TDRD1: variants seen among roughly 807,000 people sequenced by gnomAD.
TDRD1 encodes tudor domain containing 1.
A neutral mutation model predicts 140.6 loss-of-function variants in TDRD1; 37 were observed. The observed-to-expected ratio is 0.26, with a 90% CI of 0.20 to 0.35. The LOEUF is 0.35. Among genes scored for constraint, TDRD1 ranks in the 10% least tolerant of loss-of-function variants. The probability of loss-of-function intolerance (pLI) is 1.00; values close to 1 mark genes in which losing one functional copy is unlikely to be tolerated. For synonymous variants in TDRD1, 506 were observed against 475.7 expected (o/e 1.06, Z -0.83); for missense variants, 1,243 against 1,393.0 (o/e 0.89, Z 1.71).
chr10:114,214,551 C>G (rs1261613661), intron 16 of TDRD1, among the ~76,000 whole-genome samples: 1 of 151,946 alleles, frequency 6.6e-6, no homozygotes. Flanking sequence ...AAACAAAAAA[C>G]AAATTTAACT....
rs1346172145 is a variant in TDRD1 at position 114,188,173 on chromosome 10, G to A, written c.325+17G>A. 6 of 1,547,844 alleles carry A rather than the reference G, an allele frequency of 3.9e-6. No individual in the cohort carries two copies. The East Asian group carries it at 1.3e-4, about 35-fold the overall frequency. ...TGCCAGCAGGTGAGTGAAAACCACA[G>A]GCTTCCTACTTCTTCATTCTCATGG... On this transcript the variant is annotated intron_variant, in intron 2 of 25. Transcript: ENST00000251864.
chr10:114,184,265 T>G (rs1308623083), intron 1 of TDRD1, among the ~76,000 whole-genome samples: 1 of 152,224 alleles, frequency 6.6e-6, no homozygotes, highest in African/African-American at 2.4e-5. Context: ...CATGCCTTTT[T>G]GTCATTTATT....
chr10:114,227,468 G>A (rs1376415003), intron 23 of TDRD1, among the ~76,000 whole-genome samples, 169 bp downstream of exon 23: 1 of 152,206 alleles, frequency 6.6e-6, no homozygotes, highest in Admixed American at 6.5e-5. Flanking sequence ...GGGCCGCCTT[G>A]ATGGAGGCAG....
rs1038628956 is a variant in TDRD1, at chr10:114,231,007, C to T, written c.3539-479C>T. 6.6e-5 allele frequency among the ~76,000 whole-genome samples: 10 copies of T among 152,280 alleles called. No homozygotes were observed. In the East Asian group the frequency reaches 1.7e-3, roughly 26 times the overall value. On this transcript the variant is annotated intron_variant, in intron 25 of 25. Coordinates refer to ENST00000251864, the Ensembl canonical transcript of TDRD1. ...GCTTGAACCCAGGAGCCGAAGGTTG[C>T]AGTGAGCCGAGATGGCACCACTGCA...
exon 9 of TDRD1, chr10:114,204,205 T>C: frequency 1.3e-6 from 2 of 1,588,542 alleles, no homozygotes; most frequent in Non-Finnish European, 1.7e-6. Context: ...CATTGACTTG[T>C]TTCCTCCTTG....
At chr10:114,229,067 TGA>T (rs1358426948) in intron 25 of TDRD1, among the ~76,000 whole-genome samples, 2 of 147,790 alleles carry the variant, frequency 1.4e-5, no homozygotes, top group Middle Eastern at 3.4e-3. Context: ...GGTGACAGAG[TGA>T]GAGTTTGTCT....
chr10:114,182,796 T>C (rs2033190632), intron 1 of TDRD1, among the ~76,000 whole-genome samples: 1 of 152,080 alleles, frequency 6.6e-6, no homozygotes, highest in African/African-American at 2.4e-5. Flanking sequence ...GCCATTCTTC[T>C]GCCTCAGCCT....
upstream of TDRD1, among the ~76,000 whole-genome samples, chr10:114,176,769 T>G (rs111669358): frequency 1.8e-3 from 277 of 152,044 alleles, 4 homozygotes; most frequent in African/African-American, 6.3e-3. This position sits in a 1 kb window ranked among gnomAD's most constrained non-coding sequence, Gnocchi z 4.2. Context: ...GCAAGACCCT[T>G]TCAGAAAGAA....
At chr10:114,214,930 G>A (rs1352701911) in intron 16 of TDRD1, among the ~76,000 whole-genome samples, 1 of 151,762 alleles carries the variant, frequency 6.6e-6, no homozygotes, top group Non-Finnish European at 1.5e-5. Context: ...TTTAATAAAG[G>A]TGGGGTTTCA....
chr10:114,228,315 C>G, intron 25 of TDRD1: 1 of 1,365,064 alleles, frequency 7.3e-7, no homozygotes, highest in Non-Finnish European at 9.5e-7. Context: ...TTTTCCTTTG[C>G]TACTGCTAAT....
At chr10:114,213,923 C>G (rs570829610) in intron 15 of TDRD1, 54 bp from the exon 16 acceptor site, 1 of 1,589,928 alleles carries the variant, frequency 6.3e-7, no homozygotes, top group South Asian at 1.1e-5. Context: ...GCCACCCCAA[C>G]CTCGCTACAT....
At chr10:114,175,545 A>G (rs775504979), upstream of TDRD1, among the ~76,000 whole-genome samples, 1 of 152,174 alleles carries the variant, frequency 6.6e-6, no homozygotes, top group Admixed American at 6.5e-5. Context: ...GCACACTCCT[A>G]TTCCCCAGAT....
intron 1 of TDRD1, among the ~76,000 whole-genome samples, chr10:114,182,784 A>G (rs567395199): frequency 1.1e-4 from 17 of 151,148 alleles, no homozygotes; most frequent in African/African-American, 3.2e-4. Flanking sequence ...TCCTGGGTTC[A>G]TGCCATTCTT....
chr10:114,193,433 C>T (rs539465773), intron 3 of TDRD1, among the ~76,000 whole-genome samples: 1 of 151,856 alleles, frequency 6.6e-6, no homozygotes, highest in Admixed American at 6.6e-5. Context: ...GCTGTGACTA[C>T]AGTCATGCAC....
chr10:114,228,347 TTCCAGTTG>T (rs2036562714), intron 25 of TDRD1: 2 of 1,294,964 alleles, frequency 1.5e-6, no homozygotes, highest in Admixed American at 3.8e-5. Context: ...CCCAGGGGTA[TTCCAGTTG>T]TAATAGCCTT....
Position 114,228,109 on chromosome 10 carries a change from GA to G in TDRD1, c.3528del (p.Lys1176AsnfsTer3). 1 of 1,595,566 alleles carries G rather than the reference GA, an allele frequency of 6.3e-7. No homozygotes were observed. On this transcript the variant is annotated frameshift_variant, in exon 25 of 26. Transcript: ENST00000251864. LOFTEE classifies it high-confidence loss of function. ...CCAATCAAAATAAATTTATTGAAAT[GA>G]AAAAACTGTTAAAAAGTTAAGTAAG...
At chr10:114,212,293 T>C (rs117126153) in intron 14 of TDRD1, among the ~76,000 whole-genome samples, 1,864 of 152,320 alleles carry the variant, frequency 0.012, 15 homozygotes, top group Non-Finnish European at 0.021. Flanking sequence ...ATATCCAAGA[T>C]CTTTTCCTCA....
At chr10:114,202,372 G>A in intron 6 of TDRD1, 74 bp downstream of exon 6, 1 of 1,040,160 alleles carries the variant, frequency 9.6e-7, no homozygotes, top group Non-Finnish European at 1.4e-6. Context: ...AATATTTTAG[G>A]CTTATTTCTG....
intron 1 of TDRD1, among the ~76,000 whole-genome samples, chr10:114,182,810 G>A (rs908357702): frequency 2.6e-5 from 4 of 151,156 alleles, no homozygotes; most frequent in African/African-American, 9.7e-5. Flanking sequence ...TCAGCCTCCC[G>A]AGTAGCTGGG....
Sources: gnomAD v4.1 joint callset for allele counts (sites outside exome capture counted in the v4.1 genomes callset) on GRCh38, gnomAD v4.1.1 for gene constraint, Gnocchi (gnomAD v3.1) non-coding constraint, MANE v1.5 for transcripts, NCBI Gene and HGNC (gene_info 2026-07-23, HGNC 2026-07-21) for gene names.